AKR1C2: variants seen among roughly 807,000 people sequenced by gnomAD.
The protein encoded by AKR1C2 is aldo-keto reductase family 1 member C2.
AKR1C2 carries 27 observed loss-of-function variants against 39.8 expected under a neutral mutation model. The observed-to-expected ratio is 0.68, with a 90% CI of 0.50 to 0.93. The LOEUF (loss-of-function observed/expected upper bound fraction) is 0.93, where lower values mean the gene tolerates loss of function less well. Ranked by LOEUF, AKR1C2 falls within the 40% of genes least tolerant of loss-of-function variation. The pLI, the probability that AKR1C2 is intolerant of heterozygous loss-of-function variation, is 0.00. For synonymous variants in AKR1C2, 114 were observed against 137.9 expected, an observed-to-expected ratio of 0.83 and a Z score of 1.22; for missense variants, 263 against 365.1, an observed-to-expected ratio of 0.72 and a Z score of 2.28.
chr10:5,003,338 G>A (rs1241282315), intron 1 of AKR1C2, among the ~76,000 whole-genome samples: 2 of 150,994 alleles, frequency 1.3e-5, no homozygotes, highest in Non-Finnish European at 2.9e-5. Context: ...CCGCCCATCA[G>A]AACAGTGATA....
chr10:5,011,915 A>T (rs1419284787), intron 1 of AKR1C2, among the ~76,000 whole-genome samples: 41 of 152,238 alleles, frequency 2.7e-4, no homozygotes, highest in African/African-American at 9.4e-4. Flanking sequence ...CTTTGTCTGT[A>T]TAAGTTATAA....
intron 3 of AKR1C2, 130 bp downstream of exon 3, chr10:5,000,415 AGTTAT>A (rs1564331544): frequency 6.3e-7 from 1 of 1,577,270 alleles, no homozygotes; most frequent in South Asian, 1.2e-5. Flanking sequence ...AGGAATTAGG[AGTTAT>A]GTTTAGGGCT....
Position 4,999,240 on chromosome 10 carries a change from T to C in AKR1C2, c.407A>G (p.Lys136Arg), listed in dbSNP as rs782742874. The part of the protein sequence containing the change: ...EEVIPKDENG[K>R]ILFDTVDLCA... Reference sequence around the variant, plus strand: ...GAGATCCACTGTGTCAAATAGTATTTTTCCATTTTCATCTTTTGGGATCAC... The same window carrying C: ...GAGATCCACTGTGTCAAATAGTATTCTTCCATTTTCATCTTTTGGGATCAC... The change falls in exon 4 of 9, where the codon AAA becomes AGA. Residue 136 changes from lysine to arginine, a missense_variant. Lys to Arg is a conservative substitution (Grantham distance 26). This residue lies in a region of AKR1C2 where 247 missense variants were observed against 267.9 expected (regional missense o/e 0.92). Transcript: ENST00000380753. 9.5e-5 allele frequency: 153 copies of C among 1,608,448 alleles called. No homozygotes were observed. The highest frequency in any genetic ancestry group is 2.7e-4 in the East Asian group (12 of 44,792).
chr10:5,009,627 T>G (rs74366918), intron 1 of AKR1C2, among the ~76,000 whole-genome samples: 3 of 151,688 alleles, frequency 2.0e-5, no homozygotes, highest in Admixed American at 2.0e-4. Flanking sequence ...CCCCCACCTT[T>G]AAGCCTGGAT....
chr10:5,000,812 T>TCACAA (rs1406747645), intron 2 of AKR1C2, 146 bp from the exon 3 acceptor site: 1 of 675,714 alleles, frequency 1.5e-6, no homozygotes, highest in Non-Finnish European at 2.6e-6. Flanking sequence ...TGATGCCTTT[T>TCACAA]GTTCTGCCAT....
At position 5,000,550 on chromosome 10, in the gene AKR1C2, C is replaced by A; in HGVS notation, c.369G>T (p.Lys123Asn). The A allele has an allele frequency of 1.2e-6, 2 of 1,613,834 alleles. No homozygotes were observed. Among genetic ancestry groups the A allele is most frequent in the South Asian group, 1.1e-5 (1 of 91,060 alleles). Residue 123 changes from lysine (K) to asparagine (N), a missense_variant and splice_region_variant, in exon 3 of 9, where the codon AAG (lysine) becomes AAT (asparagine). This residue lies in a region of AKR1C2 where 247 missense variants were observed against 267.9 expected (regional missense o/e 0.92). Coordinates refer to ENST00000380753, the MANE Select transcript of AKR1C2 (RefSeq NM_001393392.1). ...TAATTTGATCACACAAGCTGCCTAC[C>A]TTTACAGACACTGGAAAATGAATAA... Reference protein sequence around the residue: ...LYLIHFPVSVKPGEEVIPKDE... With the variant: ...LYLIHFPVSVNPGEEVIPKDE...
At chr10:4,990,481 C>G (rs752717251) in intron 8 of AKR1C2, among the ~76,000 whole-genome samples, 15 of 152,104 alleles carry the variant, frequency 9.9e-5, no homozygotes, top group Non-Finnish European at 7.4e-5. Context: ...AGTAATTGTA[C>G]TTTATTTTAT....
upstream of AKR1C2, among the ~76,000 whole-genome samples, chr10:5,008,160 C>T (rs113194281): frequency 0.061 from 9,197 of 151,510 alleles, 393 homozygotes; most frequent in South Asian, 0.11. Context: ...TAAGGCCTTT[C>T]TCCCACAGCT....
intron 1 of AKR1C2, among the ~76,000 whole-genome samples, chr10:5,012,088 C>G (rs1201626001): frequency 6.6e-6 from 1 of 152,104 alleles, no homozygotes; most frequent in African/African-American, 2.4e-5. Context: ...GGGACTATAT[C>G]TAGAAGGGGA....
intron 1 of AKR1C2, among the ~76,000 whole-genome samples, chr10:5,010,858 C>T (rs2131724796): frequency 6.6e-6 from 1 of 152,194 alleles, no homozygotes; most frequent in Admixed American, 6.5e-5. Context: ...AAATCAAAGT[C>T]TTAATTAAAT....
intron 1 of AKR1C2, among the ~76,000 whole-genome samples, chr10:5,016,978 C>T (rs756586122): frequency 6.6e-6 from 1 of 152,220 alleles, no homozygotes; most frequent in Non-Finnish European, 1.5e-5. Flanking sequence ...GCCCTTTTAG[C>T]CATGGCTGGG....
At chr10:4,990,613 T>G (rs1375513276) in intron 8 of AKR1C2, among the ~76,000 whole-genome samples, 1 of 152,216 alleles carries the variant, frequency 6.6e-6, no homozygotes, top group Non-Finnish European at 1.5e-5. Context: ...ATAAACCATT[T>G]TATAGGTAGA....
chr10:5,010,667 C>G (rs1588310893), intron 1 of AKR1C2: 1 of 152,132 alleles, frequency 6.6e-6, no homozygotes, highest in African/African-American at 2.4e-5. Context: ...TAGTTCATGC[C>G]AAGGGCAAGG....
At chr10:5,006,645 G>C (rs1837411147), upstream of AKR1C2, 1 of 152,006 alleles carries the variant, frequency 6.6e-6, no homozygotes, top group South Asian at 2.1e-4. Context: ...ATGACTCATG[G>C]GGTACAAGGG....
At chr10:5,005,473 G>A (rs1837382587), upstream of AKR1C2, among the ~76,000 whole-genome samples, 1 of 151,938 alleles carries the variant, frequency 6.6e-6, no homozygotes, top group Admixed American at 6.6e-5. Context: ...ACGAGGTTAG[G>A]AGATGGAAAC....
chr10:4,993,220 A>T (rs1836902865), intron 7 of AKR1C2, among the ~76,000 whole-genome samples: 1 of 152,214 alleles, frequency 6.6e-6, no homozygotes, highest in African/African-American at 2.4e-5. Flanking sequence ...ATTATTAAAT[A>T]AATGAAGAAG....
chr10:4,998,703 C>A lies in AKR1C2; in HGVS notation c.492G>T (p.Gly164=), dbSNP rs782553197. Residue 164 remains glycine (G), a synonymous_variant, in exon 5 of 9, where the codon GGG becomes GGT. Transcript: ENST00000380753. ...CKDAGLAKSI[G]VSNFNHRLLE... is the part of the protein sequence containing the mutation. ...GCAGCCTGTGGTTGAAGTTGGACAC[C>A]CCGATGGACTTGGCCAATCCTGCAT... is the stretch of plus-strand genomic sequence containing the variant. 6.2e-7 allele frequency: 1 copy of A among 1,614,072 alleles called. No homozygotes were observed. The highest frequency in any genetic ancestry group is 1.7e-5 in the Admixed American group (1 of 60,020).
At chr10:5,005,257 A>AG (rs139490242), upstream of AKR1C2, among the ~76,000 whole-genome samples, 17,302 of 152,222 alleles carry the variant, frequency 0.11, 1,237 homozygotes, top group Non-Finnish European at 0.16. Flanking sequence ...GAAGGACTTG[A>AG]GTTTTACGTA....
intron 1 of AKR1C2, chr10:5,010,389 T>C (rs1554774770): frequency 3.3e-5 from 5 of 151,948 alleles, no homozygotes; most frequent in Non-Finnish European, 2.9e-5. Flanking sequence ...TGGTAAGCTC[T>C]CGGGGTCGCC....
Sources: allele counts gnomAD v4.1 joint callset (sites outside exome capture counted in the v4.1 genomes callset), GRCh38; gene constraint gnomAD v4.1.1; regional missense constraint gnomAD v4.1.1; transcripts MANE v1.5; gene names NCBI Gene and HGNC (gene_info 2026-07-23, HGNC 2026-07-21).